EFCAB12: variants seen among roughly 807,000 people sequenced by gnomAD.
The protein encoded by EFCAB12 is EF-hand calcium-binding domain-containing protein 12.
Under a neutral mutation model 53.6 loss-of-function variants are expected in EFCAB12, and 43 were observed. That is an observed-to-expected ratio of 0.80 (90% CI 0.63 to 1.03). EFCAB12 has a LOEUF of 1.03. Among genes scored for constraint, EFCAB12 ranks in the 50% least tolerant of loss-of-function variants. The pLI, the probability that EFCAB12 is intolerant of heterozygous loss-of-function variation, is 0.00. For missense variants in EFCAB12, 646 were observed against 730.6 expected, an observed-to-expected ratio of 0.88 and a Z score of 1.34; for synonymous variants, 269 against 289.2, an observed-to-expected ratio of 0.93 and a Z score of 0.71.
chr3:129,419,509 G>A (rs1218993620), intron 2 of EFCAB12, among the ~76,000 whole-genome samples: 1 of 152,172 alleles, frequency 6.6e-6, no homozygotes, highest in East Asian at 1.9e-4. Context: ...ATGGATTAAT[G>A]GGCTAAGGAT....
chr3:129,428,628 C>A lies in EFCAB12; in HGVS notation c.-140G>T. On this transcript the variant is annotated 5_prime_UTR_variant, in exon 1 of 9. Transcript: ENST00000505956. ...AGGCGCTCAGCTCAGACTGCAGAAG[C>A]AACCTGTTGCCGTGGCTACGGACGC... The A allele has an allele frequency of 9.5e-7, 1 of 1,057,562 alleles. No individual in the cohort carries two copies. The allele number at this position is 1,057,562 out of a possible 1,614,324, so 65.5% of individuals were successfully genotyped here. A position where few individuals can be genotyped will look rare whatever the true frequency, so the allele number is the denominator to read the frequency against.
intron 1 of EFCAB12, 27 bp downstream of exon 1, chr3:129,428,413 C>T: frequency 6.3e-7 from 1 of 1,595,594 alleles, no homozygotes. Context: ...TGAGCGCTCC[C>T]TGCAGACGCT....
At position 129,411,317 on chromosome 3, in the gene EFCAB12, A is replaced by G; in HGVS notation, c.876T>C (p.Gly292=). The G allele has an allele frequency of 6.2e-7, 1 of 1,604,122 alleles. No homozygotes were observed. The highest frequency in any genetic ancestry group is 8.5e-7 in the Non-Finnish European group (1 of 1,173,948). ...ILAKHRDSLK[G]PLKKQEVDSA... is the part of the protein sequence containing the mutation. ...AATCCACCTCCTGCTTCTTGAGCGG[A>G]CCCTTCAGGGAATCTCTGTGCTTGG... The change falls in exon 5 of 9, where the codon GGT becomes GGC. Residue 292 remains glycine (G), a synonymous_variant. Transcript: ENST00000505956.
intron 3 of EFCAB12, 33 bp from the exon 4 acceptor site, chr3:129,415,434 C>A: frequency 6.2e-7 from 1 of 1,611,296 alleles, no homozygotes; most frequent in Admixed American, 1.7e-5. Context: ...GACTAGCAGG[C>A]TCCCATCCAA....
At chr3:129,406,367 C>T (rs1207442007) in intron 6 of EFCAB12, among the ~76,000 whole-genome samples, 1 of 152,216 alleles carries the variant, frequency 6.6e-6, no homozygotes, top group Non-Finnish European at 1.5e-5. Flanking sequence ...GCCTGTGTTC[C>T]TGACAGCCTC....
chr3:129,417,198 G>A (rs774089693), intron 3 of EFCAB12, among the ~76,000 whole-genome samples: 7 of 151,342 alleles, frequency 4.6e-5, no homozygotes, highest in Non-Finnish European at 8.8e-5. Context: ...GGTGGTGCAC[G>A]CCTATAGTCC....
intron 2 of EFCAB12, among the ~76,000 whole-genome samples, chr3:129,421,061 C>G (rs1333161356): frequency 6.6e-6 from 1 of 152,264 alleles, no homozygotes; most frequent in Non-Finnish European, 1.5e-5. Flanking sequence ...GACTGTGGCC[C>G]AGGCCAACAT....
chr3:129,411,632 T>A (rs1000522124), intron 4 of EFCAB12: 5 of 329,972 alleles, frequency 1.5e-5, no homozygotes, highest in Non-Finnish European at 1.7e-5. Flanking sequence ...GCAAATAGGA[T>A]CTTTAAAAAA....
intron 6 of EFCAB12, 94 bp from the exon 7 acceptor site, chr3:129,404,497 T>C: frequency 7.6e-7 from 1 of 1,317,340 alleles, no homozygotes; most frequent in Non-Finnish European, 1.0e-6. Flanking sequence ...TTTTTTTTTT[T>C]TAATTCACAT....
At chr3:129,410,828 T>A (rs2072027516) in intron 5 of EFCAB12, among the ~76,000 whole-genome samples, 1 of 152,008 alleles carries the variant, frequency 6.6e-6, no homozygotes, top group South Asian at 2.1e-4. Flanking sequence ...TTCTGGAGAG[T>A]CTACCCAGTG....
In EFCAB12 at chr3:129,408,819, G is replaced by C. The variant is rs755077126; in HGVS notation, c.1075C>G (p.Leu359Val). The C allele has an allele frequency of 2.3e-5, 36 of 1,576,792 alleles. No homozygotes were observed. The South Asian group carries it at 4.0e-4, about 17-fold the overall frequency. Reference protein sequence around the residue: ...PSIQYTEQCHLVRCGNRHFDE... With the variant: ...PSIQYTEQCHVVRCGNRHFDE... ...AAGTGCCGATTCCCACAGCGCACCA[G>C]GTGACATTGCTCCGTGTACTGGATG... The change falls in exon 6 of 9, where the codon CTG becomes GTG. Residue 359 changes from leucine (L) to valine (V), a missense_variant. Transcript: ENST00000505956.
intron 4 of EFCAB12, chr3:129,413,810 G>A (rs940351554): frequency 6.6e-6 from 1 of 151,908 alleles, no homozygotes; most frequent in Admixed American, 6.6e-5. Flanking sequence ...ACCCACTATT[G>A]CTCACCAGGG....
intron 6 of EFCAB12, among the ~76,000 whole-genome samples, chr3:129,406,043 T>C (rs2071945582): frequency 1.4e-5 from 2 of 141,622 alleles, no homozygotes; most frequent in Admixed American, 1.4e-4. Flanking sequence ...CAAGACCCCA[T>C]CTCTTAAAAA....
Position 129,421,440 on chromosome 3 carries a change from T to C in EFCAB12, c.413A>G (p.Lys138Arg). ...NKPSITPSEA[K>R]VLHMIHEEQS... ...CTCCTCGTGGATCATGTGTAAGACC[T>C]TGGCCTCTGAAGGCGTGATGCTGGG... The change falls in exon 2 of 9, where the codon AAG (lysine) becomes AGG (arginine). Residue 138 changes from lysine (K) to arginine (R), a missense_variant. Lys to Arg is a conservative substitution (Grantham distance 26, BLOSUM62 2). Coordinates refer to ENST00000505956, the MANE Select transcript of EFCAB12 (RefSeq NM_207307.3). 1.9e-6 allele frequency: 3 copies of C among 1,614,046 alleles called. No homozygotes were observed. Among genetic ancestry groups the C allele is most frequent in the Non-Finnish European group, 2.5e-6 (3 of 1,179,890 alleles).
intron 4 of EFCAB12, 116 bp downstream of exon 4, chr3:129,415,129 G>T: frequency 7.5e-7 from 1 of 1,329,700 alleles, no homozygotes; most frequent in East Asian, 2.9e-5. Context: ...ACCACAGTCG[G>T]CCAAAACTGG....
intron 8 of EFCAB12, 147 bp from the exon 9 acceptor site, chr3:129,401,998 A>G (rs1407726777): frequency 5.0e-6 from 6 of 1,205,308 alleles, no homozygotes; most frequent in Admixed American, 2.7e-5. Context: ...ACAGTTCCAT[A>G]TGGTCAGCTC....
At chr3:129,419,840 C>T (rs981355861) in intron 2 of EFCAB12, among the ~76,000 whole-genome samples, 4 of 152,182 alleles carry the variant, frequency 2.6e-5, no homozygotes, top group African/African-American at 7.2e-5. Flanking sequence ...GAAGTAAGAC[C>T]GTGTCTTATT....
chr3:129,403,460 G>A (rs985632913), intron 7 of EFCAB12: 1 of 152,412 alleles, frequency 6.6e-6, no homozygotes, highest in Non-Finnish European at 1.5e-5. Flanking sequence ...AGGCCTGTCT[G>A]ATCTCTACAG....
chr3:129,406,436 T>A (rs1427891461), intron 6 of EFCAB12, among the ~76,000 whole-genome samples: 1 of 152,100 alleles, frequency 6.6e-6, no homozygotes, highest in Non-Finnish European at 1.5e-5. Context: ...CCGAAATTCT[T>A]ATGTTGTAAT....
Sources: allele counts gnomAD v4.1 joint callset (sites outside exome capture counted in the v4.1 genomes callset), GRCh38; gene constraint gnomAD v4.1.1; transcripts MANE v1.5; gene names NCBI Gene and HGNC (gene_info 2026-07-23, HGNC 2026-07-21).